ANXA8: variants seen among roughly 807,000 people sequenced by gnomAD.
The protein encoded by ANXA8 is annexin A8, also known as VAC-beta.
A neutral mutation model predicts 26.8 loss-of-function variants in ANXA8; 9 were observed. The observed-to-expected ratio is 0.34, with a 90% confidence interval of 0.20 to 0.59. The LOEUF is 0.59. ANXA8 is among the 20% of genes least tolerant of loss of function. ANXA8 has a pLI of 0.84. For synonymous variants in ANXA8, 39 were observed against 94.8 expected (o/e 0.41, Z 3.42); for missense variants, 83 against 238.5 (o/e 0.35, Z 4.29).
At chr10:47,586,931 G>A in the ANXA8 span, among the ~76,000 whole-genome samples, 5 of 146,178 alleles carry the variant, frequency 3.4e-5, no homozygotes, top group Non-Finnish European at 7.4e-5. Context: ...TCTGGACTTG[G>A]GGTGGTTGAT....
chr10:47,666,652 C>T, the ANXA8 span, among the ~76,000 whole-genome samples: 63 of 152,026 alleles, frequency 4.1e-4, no homozygotes, highest in African/African-American at 1.5e-3. Flanking sequence ...TTTGTTTGGG[C>T]TTTATGTCCT....
At chr10:47,485,490 T>C (rs1229879112), upstream of ANXA8, among the ~76,000 whole-genome samples, 28 of 152,134 alleles carry the variant, frequency 1.8e-4, no homozygotes, top group South Asian at 5.6e-3. Flanking sequence ...GCTAAGACAT[T>C]GGCTATACCT....
chr10:47,623,685 T>C, the ANXA8 span, among the ~76,000 whole-genome samples: 1 of 108,434 alleles, frequency 9.2e-6, no homozygotes, highest in Non-Finnish European at 2.0e-5. Flanking sequence ...TTTAGTCTTT[T>C]CACAGAAATC....
chr10:47,716,070 C>CTATT, the ANXA8 span, among the ~76,000 whole-genome samples: 1 of 147,818 alleles, frequency 6.8e-6, no homozygotes, highest in African/African-American at 2.6e-5. Flanking sequence ...CCACACCCAG[C>CTATT]TATTTATTTA....
At chr10:47,973,777 A>G in the ANXA8 span, among the ~76,000 whole-genome samples, 1 of 151,212 alleles carries the variant, frequency 6.6e-6, no homozygotes, top group African/African-American at 2.4e-5. Flanking sequence ...ACCGTTAGAA[A>G]ACCAAAAATG....
the ANXA8 span, among the ~76,000 whole-genome samples, chr10:47,624,240 C>CT: frequency 2.8e-5 from 1 of 36,106 alleles, no homozygotes; most frequent in Non-Finnish European, 5.5e-5. Context: ...GAGACTCCAT[C>CT]TCAAAAAAAA....
At chr10:47,954,686 G>A in the ANXA8 span, among the ~76,000 whole-genome samples, 21 of 150,064 alleles carry the variant, frequency 1.4e-4, 2 homozygotes, top group East Asian at 8.3e-4. Flanking sequence ...CACCTACTAT[G>A]TACCCATAAA....
chr10:47,907,175 G>A, the ANXA8 span, among the ~76,000 whole-genome samples: 11 of 151,634 alleles, frequency 7.3e-5, no homozygotes, highest in Non-Finnish European at 7.4e-5. Context: ...CTAACACGGT[G>A]AAACCCCGTC....
the ANXA8 span, among the ~76,000 whole-genome samples, chr10:47,522,638 G>GA: frequency 8.1e-3 from 938 of 116,072 alleles, 21 homozygotes; most frequent in African/African-American, 0.031. Flanking sequence ...CCAAATATTT[G>GA]AATAGGAACT....
chr10:47,627,993 A>G, the ANXA8 span, among the ~76,000 whole-genome samples: 1 of 150,088 alleles, frequency 6.7e-6, no homozygotes, highest in Non-Finnish European at 1.5e-5. Context: ...TTTAGTAAAA[A>G]ACTTATACCT....
chr10:47,748,572 C>A, the ANXA8 span, among the ~76,000 whole-genome samples: 1 of 152,178 alleles, frequency 6.6e-6, no homozygotes, highest in African/African-American at 2.4e-5. Context: ...TTAAAAGCAG[C>A]TAGAGGCAGG....
chr10:47,497,798 C>A, the ANXA8 span, among the ~76,000 whole-genome samples: 1 of 150,660 alleles, frequency 6.6e-6, no homozygotes, highest in African/African-American at 2.4e-5. Flanking sequence ...ATTAGTTGGG[C>A]ATGGTGGCAT....
At chr10:47,488,713 ATTTTT>A (rs1160121365), upstream of ANXA8, among the ~76,000 whole-genome samples, 2 of 62,118 alleles carry the variant, frequency 3.2e-5, no homozygotes, top group African/African-American at 1.4e-4. Context: ...TACATGTTAA[ATTTTT>A]TTTTTTTTTT....
At chr10:47,730,504 T>A in the ANXA8 span, 1 of 602,830 alleles carries the variant, frequency 1.7e-6, no homozygotes, top group Non-Finnish European at 3.0e-6. Flanking sequence ...TTGAAATAAA[T>A]GAATGACAGG....
chr10:47,599,130 T>C, the ANXA8 span, among the ~76,000 whole-genome samples: 2 of 146,820 alleles, frequency 1.4e-5, no homozygotes, highest in African/African-American at 5.3e-5. Context: ...AACAACATGG[T>C]ATTGAAATAA....
the ANXA8 span, among the ~76,000 whole-genome samples, chr10:47,959,090 A>T: frequency 8.8e-5 from 13 of 147,394 alleles, no homozygotes; most frequent in Admixed American, 8.7e-4. Context: ...GGCCTTCTGG[A>T]GAAGGAGGCA....
the ANXA8 span, among the ~76,000 whole-genome samples, chr10:47,541,170 CA>C: frequency 9.5e-6 from 1 of 104,998 alleles, no homozygotes; most frequent in Non-Finnish European, 1.9e-5. Context: ...TAGAACAGAA[CA>C]AAAAAAATTA....
At chr10:47,987,865 A>ATTG in the ANXA8 span, among the ~76,000 whole-genome samples, 14 of 87,684 alleles carry the variant, frequency 1.6e-4, no homozygotes, top group Non-Finnish European at 2.7e-4. Context: ...GTGGGAGGGA[A>ATTG]TTGGTCTGTA....
rs1289454095 is a variant in ANXA8 at position 47,483,997 on chromosome 10, A to G, written c.-64T>C. The G allele has an allele frequency of 6.4e-5, 103 of 1,611,360 alleles. 1 individual carries two copies. In the East Asian group the frequency reaches 1.4e-3, roughly 22 times the overall value. On this transcript the variant is annotated 5_prime_UTR_variant, in exon 1 of 12. Transcript: ENST00000585281. ...GAGACACAGGTTGGCCTCTGCTGGG[A>G]CTCCACACGTCTGGCTCCTGCAGCT...
Sources: gnomAD v4.1 joint callset for allele counts (sites outside exome capture counted in the v4.1 genomes callset) on GRCh38, gnomAD v4.1.1 for gene constraint, MANE v1.5 for transcripts, NCBI Gene and HGNC (gene_info 2026-07-23, HGNC 2026-07-21) for gene names.